GPC5: variants seen among roughly 807,000 people sequenced by gnomAD.
The protein encoded by GPC5 is glypican 5.
GPC5 carries 47 observed loss-of-function variants against 53.9 expected under a neutral mutation model. The ratio of observed to expected loss-of-function variants is 0.87; its 90% CI spans 0.69 to 1.11. The LOEUF is 1.11. GPC5 is among the 50% of genes most tolerant of loss of function. The pLI, the probability that GPC5 is intolerant of heterozygous loss-of-function variation, is 0.00. For synonymous variants in GPC5, 286 were observed against 263.3 expected, an observed-to-expected ratio of 1.09 and a Z score of -0.84; for missense variants, 748 against 713.1, an observed-to-expected ratio of 1.05 and a Z score of -0.56.
rs1262454113 is a variant in GPC5 at position 91,899,815 on chromosome 13, C to T, written c.1281-8122C>T. Reference sequence around the variant, plus strand: ...GATTGCCAGGAGCAAGGGAGGATTCCTCCTGAGGGTCTTCAGAGGGAGTAT... The same window carrying T: ...GATTGCCAGGAGCAAGGGAGGATTCTTCCTGAGGGTCTTCAGAGGGAGTAT... On this transcript the variant is annotated intron_variant, in intron 5 of 7. Coordinates refer to ENST00000377067, the MANE Select transcript of GPC5 (RefSeq NM_004466.6). Among the ~76,000 whole-genome samples, 4 of 152,230 alleles carry T rather than the reference C, an allele frequency of 2.6e-5. No homozygotes were observed. The East Asian group carries it at 7.7e-4, about 29-fold the overall frequency.
intron 7 of GPC5, among the ~76,000 whole-genome samples, chr13:92,245,137 T>C (rs1594032650): frequency 6.6e-6 from 1 of 152,048 alleles, no homozygotes; most frequent in East Asian, 1.9e-4. Flanking sequence ...AACACAGTTG[T>C]CCTTCAAAAT....
At chr13:91,778,600 T>C (rs191258183) in intron 5 of GPC5, among the ~76,000 whole-genome samples, 64 of 152,332 alleles carry the variant, frequency 4.2e-4, no homozygotes, top group African/African-American at 1.5e-3. Flanking sequence ...CTCAGGTGGC[T>C]CCCTGTGTCC....
intron 7 of GPC5, among the ~76,000 whole-genome samples, chr13:92,391,930 T>A (rs928394544): frequency 6.6e-6 from 1 of 152,208 alleles, no homozygotes; most frequent in Non-Finnish European, 1.5e-5. Context: ...AATCAGGCTA[T>A]AAATGATCTT....
intron 5 of GPC5, among the ~76,000 whole-genome samples, chr13:91,772,342 T>C (rs2037639116): frequency 1.3e-5 from 2 of 152,164 alleles, no homozygotes; most frequent in Non-Finnish European, 2.9e-5. Context: ...TAATCCCACA[T>C]ACTGAAACGG....
At chr13:92,772,880 T>C (rs756849852) in intron 7 of GPC5, among the ~76,000 whole-genome samples, 5 of 152,174 alleles carry the variant, frequency 3.3e-5, no homozygotes, top group Non-Finnish European at 7.3e-5. Flanking sequence ...ATCAAAGATA[T>C]ATATTTCACA....
intron 6 of GPC5, among the ~76,000 whole-genome samples, chr13:92,056,520 A>T (rs1397620894): frequency 7.9e-5 from 12 of 152,152 alleles, no homozygotes; most frequent in Admixed American, 7.9e-4. Flanking sequence ...TTCCATTTAT[A>T]TCATTTGTAG....
At chr13:91,469,756 A>G (rs1215247360) in intron 2 of GPC5, among the ~76,000 whole-genome samples, 1 of 152,114 alleles carries the variant, frequency 6.6e-6, no homozygotes, top group Non-Finnish European at 1.5e-5. Context: ...GAAAAAAAAT[A>G]CCTGGCTGGA....
chr13:92,306,055 G>A (rs2043108741), intron 7 of GPC5, among the ~76,000 whole-genome samples: 1 of 152,214 alleles, frequency 6.6e-6, no homozygotes, highest in Non-Finnish European at 1.5e-5. Flanking sequence ...TATCCATTAA[G>A]TCCAGCTGTG....
intron 5 of GPC5, among the ~76,000 whole-genome samples, chr13:91,788,649 T>C (rs1263968779): frequency 6.6e-6 from 1 of 152,182 alleles, no homozygotes; most frequent in Non-Finnish European, 1.5e-5. Flanking sequence ...GATATCATTT[T>C]TGAGGTCTTT....
At chr13:92,542,654 G>A (rs929889236) in intron 7 of GPC5, among the ~76,000 whole-genome samples, 19 of 151,932 alleles carry the variant, frequency 1.3e-4, no homozygotes, top group African/African-American at 3.9e-4. Flanking sequence ...TCACTTGCGC[G>A]TTTCTTGTAC....
chr13:92,302,338 G>T (rs558471548), intron 7 of GPC5, among the ~76,000 whole-genome samples: 14 of 152,188 alleles, frequency 9.2e-5, no homozygotes, highest in African/African-American at 2.6e-4. Flanking sequence ...TTCTATGCAC[G>T]TGAATTAAAT....
In GPC5 at chr13:92,290,565, A is replaced by G. The variant is rs147701409; in HGVS notation, c.1561+145576A>G. 1.5e-3 allele frequency among the ~76,000 whole-genome samples: 225 copies of G among 152,146 alleles called. 1 individual carries two copies. The highest frequency in any genetic ancestry group is 5.3e-3 in the African/African-American group (219 of 41,502). The stretch of plus-strand genomic sequence containing the variant: ...CATCTTCATAGCTTAGCTCCCACTT[A>G]TGAGGGAGAACATAGGATGTTTGGT... On this transcript the variant is annotated intron_variant, in intron 7 of 7. Coordinates refer to ENST00000377067, the MANE Select transcript of GPC5 (RefSeq NM_004466.6).
At chr13:91,502,724 G>C (rs1056528694) in intron 2 of GPC5, among the ~76,000 whole-genome samples, 1 of 152,190 alleles carries the variant, frequency 6.6e-6, no homozygotes, top group South Asian at 2.1e-4. Flanking sequence ...AATGCATGGA[G>C]CCTTTATAGC....
chr13:91,927,157 A>G (rs1158715822), intron 6 of GPC5, among the ~76,000 whole-genome samples: 1 of 152,210 alleles, frequency 6.6e-6, no homozygotes, highest in African/African-American at 2.4e-5. Context: ...TAATAGAGAA[A>G]TTACATTTGA....
At chr13:92,702,245 C>G (rs557098996) in intron 7 of GPC5, among the ~76,000 whole-genome samples, 2 of 152,214 alleles carry the variant, frequency 1.3e-5, no homozygotes, top group South Asian at 4.1e-4. Context: ...CCTGAATGAT[C>G]TTTTCCAGTG....
chr13:92,288,977 T>A (rs559185258), intron 7 of GPC5, among the ~76,000 whole-genome samples: 4 of 152,066 alleles, frequency 2.6e-5, no homozygotes, highest in Non-Finnish European at 4.4e-5. Flanking sequence ...CATTTTTCTG[T>A]ATAGGTTTGT....
intron 7 of GPC5, among the ~76,000 whole-genome samples, chr13:92,431,005 A>G (rs1877059606): frequency 6.6e-6 from 1 of 152,188 alleles, no homozygotes; most frequent in Non-Finnish European, 1.5e-5. Flanking sequence ...GATGCTGATG[A>G]GCACTATGCA....
At chr13:91,593,007 AG>A (rs2032860791) in intron 2 of GPC5, among the ~76,000 whole-genome samples, 1 of 152,146 alleles carries the variant, frequency 6.6e-6, no homozygotes, top group African/African-American at 2.4e-5. Flanking sequence ...CTGTTCACAA[AG>A]GTTCCTAGTT....
chr13:91,832,927 C>A (rs533110016), intron 5 of GPC5, among the ~76,000 whole-genome samples: 7 of 152,034 alleles, frequency 4.6e-5, no homozygotes, highest in Admixed American at 3.9e-4. Flanking sequence ...ACACGAAAAA[C>A]CCTTCAAAAA....
Sources: allele counts gnomAD v4.1 joint callset (sites outside exome capture counted in the v4.1 genomes callset), GRCh38; gene constraint gnomAD v4.1.1; transcripts MANE v1.5; gene names NCBI Gene and HGNC (gene_info 2026-07-23, HGNC 2026-07-21).